Variants in FLII observed in about 807,000 individuals in gnomAD.
FLII encodes the protein FLII actin remodeling protein.
Under a neutral mutation model 156.2 loss-of-function variants are expected in FLII, and 101 were observed. The ratio of observed to expected loss-of-function variants is 0.65; its 90% CI spans 0.55 to 0.76. FLII has a LOEUF of 0.76. FLII is among the 30% of genes least tolerant of loss of function. The probability of loss-of-function intolerance (pLI) is 0.00; values close to 1 mark genes in which losing one functional copy is unlikely to be tolerated. For missense variants in FLII, 1,675 were observed against 1,682.8 expected, an observed-to-expected ratio of 1.00 and a Z score of 0.08; for synonymous variants, 767 against 685.8, an observed-to-expected ratio of 1.12 and a Z score of -1.85.
intron 28 of FLII, 39 bp from the exon 29 acceptor site, chr17:18,245,458 C>T: frequency 6.2e-7 from 1 of 1,613,252 alleles, no homozygotes; most frequent in Non-Finnish European, 8.5e-7. Context: ...GCATGGGTGC[C>T]TGGGAACAGC....
At position 18,252,500 on chromosome 17, in the gene FLII, T is replaced by C. The variant is rs779563362; in HGVS notation, c.1070A>G (p.Glu357Gly). The C allele has an allele frequency of 2.5e-5, 40 of 1,613,636 alleles. No homozygotes were observed. Among genetic ancestry groups the C allele is most frequent in the Non-Finnish European group, 3.3e-5 (39 of 1,180,006 alleles). ...GATCTCCGTCAGGAAATGGATGGCT[T>C]CTGGGAGGGTCACCAGGTGGTTCTT... is the stretch of plus-strand genomic sequence containing the variant. ...LNKNHLVTLP[E>G]AIHFLTEIEV... is the part of the protein sequence containing the mutation. The change falls in exon 10 of 30, where the codon GAA becomes GGA. Residue 357 changes from glutamate (E) to glycine (G), a missense_variant. Physicochemically the swap from Glu to Gly is moderately conservative, Grantham distance 98 (BLOSUM62 -2). This residue lies in a region of FLII where 1,332 missense variants were observed against 1,269.3 expected (regional missense o/e 1.05). Transcript: ENST00000327031.
chr17:18,251,965 C>T (rs761033651), intron 11 of FLII, 34 bp downstream of exon 11: 3 of 1,605,788 alleles, frequency 1.9e-6, no homozygotes, highest in East Asian at 4.5e-5. Flanking sequence ...TGGAGAGGAG[C>T]CCCCGTTCCC....
At position 18,245,163 on chromosome 17, in the gene FLII, C is replaced by G; in HGVS notation, c.3785G>C (p.Ser1262Thr). ...HAFTRCFHAW[S>T]AFCKALA ...TTAGGCCAGGGCCTTGCAGAAGGCG[C>G]TCCAGGCGTGGAAGCAGCGGGTAAA... Residue 1262 changes from serine to threonine, a missense_variant, in exon 30 of 30, where the codon AGC (serine) becomes ACC (threonine). Coordinates refer to ENST00000327031, the MANE Select transcript of FLII (RefSeq NM_002018.4). 2 of 1,613,564 alleles carry G rather than the reference C, an allele frequency of 1.2e-6. No homozygotes were observed. The highest frequency in any genetic ancestry group is 8.5e-7 in the Non-Finnish European group (1 of 1,179,812).
rs1054350935 is a variant in FLII, at chr17:18,247,826, C to T, written c.2318G>A (p.Arg773His). The T allele has an allele frequency of 8.1e-6, 13 of 1,613,388 alleles. No homozygotes were observed. The highest frequency in any genetic ancestry group is 1.1e-5 in the South Asian group (1 of 91,080). ...MRLLQSLLDT[R>H]CVYILDCWSD... ...CCAACAGTCCAGAATGTACACGCAG[C>T]GCGTGTCCAGCAGACTCTGCAGCTG... Residue 773 changes from arginine to histidine, a missense_variant, in exon 20 of 30, where the codon CGC (arginine) becomes CAC (histidine). By Grantham distance (29) the Arg-to-His change is conservative. This residue lies in a region of FLII where 1,332 missense variants were observed against 1,269.3 expected (regional missense o/e 1.05). Coordinates refer to ENST00000327031, the MANE Select transcript of FLII (RefSeq NM_002018.4).
intron 15 of FLII, 32 bp from the exon 16 acceptor site, chr17:18,249,233 G>A (rs1411260342): frequency 3.1e-6 from 5 of 1,612,464 alleles, no homozygotes; most frequent in East Asian, 4.5e-5. Context: ...CTCAGTGTAG[G>A]CACCAAGGGC....
In FLII at chr17:18,254,748, TG is replaced by T. The variant is rs768703454; in HGVS notation, c.413+20del. 1 of 1,614,014 alleles carries T rather than the reference TG, an allele frequency of 6.2e-7. No individual in the cohort carries two copies. Among genetic ancestry groups the T allele is most frequent in the Admixed American group, 1.7e-5 (1 of 60,024 alleles). On this transcript the variant is annotated intron_variant, in intron 5 of 29. Coordinates refer to ENST00000327031, the MANE Select transcript of FLII (RefSeq NM_002018.4). ...CACCCCACAGGGCCCACCTGCCCCC[TG>T]CCCCCCACTGGCCTGGCACCTGTTG...
In FLII at chr17:18,248,588, G is replaced by T; in HGVS notation, c.2152C>A (p.Pro718Thr). 6.2e-7 allele frequency: 1 copy of T among 1,613,168 alleles called. No individual in the cohort carries two copies. The highest frequency in any genetic ancestry group is 8.5e-7 in the Non-Finnish European group (1 of 1,179,854). ...GEPSEIKKHV[P>T]EDFWPPQPKL... Reference sequence around the variant, plus strand: ...GGCTGCGGCGGCCAGAAGTCTTCAGGCACGTGCTTCTTGATCTCAGAGGGC... The same window carrying T: ...GGCTGCGGCGGCCAGAAGTCTTCAGTCACGTGCTTCTTGATCTCAGAGGGC... The change falls in exon 18 of 30, where the codon CCT (proline) becomes ACT (threonine). Residue 718 changes from proline (P) to threonine (T), a missense_variant. Transcript: ENST00000327031.
chr17:18,247,690 C>T lies in FLII; in HGVS notation c.2454G>A (p.Thr818=), dbSNP rs937243849. 5.0e-6 allele frequency: 8 copies of T among 1,598,202 alleles called. No homozygotes were observed. The highest frequency in any genetic ancestry group is 6.8e-6 in the Non-Finnish European group (8 of 1,177,170). The change falls in exon 20 of 30, where the codon ACG becomes ACA. Residue 818 remains threonine, a synonymous_variant. Transcript: ENST00000327031. The part of the protein sequence containing the change: ...CGMLHRPRHA[T]VSRSLEGTEA... ...CGGTGCCCTCGAGGCTGCGGCTGAC[C>T]GTGGCATGGCGTGGCCGGTGCAGCA...
chr17:18,251,155 T>G, intron 13 of FLII, 110 bp downstream of exon 13: 1 of 1,421,976 alleles, frequency 7.0e-7, no homozygotes, highest in Non-Finnish European at 9.6e-7. Context: ...TCCTGCAGCC[T>G]GCCCACCTCC....
chr17:18,254,290 G>T, intron 6 of FLII, 108 bp from the exon 7 acceptor site: 1 of 914,460 alleles, frequency 1.1e-6, no homozygotes, highest in Non-Finnish European at 1.6e-6. Flanking sequence ...GTAGGTGTGA[G>T]GTCACATCTG....
rs373878132 is a variant in FLII at position 18,247,250 on chromosome 17, G to A, written c.2595C>T (p.Arg865=). 230 of 1,608,244 alleles carry A rather than the reference G, an allele frequency of 1.4e-4. No homozygotes were observed. Among genetic ancestry groups the A allele is most frequent in the Non-Finnish European group, 1.9e-4 (221 of 1,179,680 alleles). Residue 865 remains arginine, a synonymous_variant, in exon 21 of 30, where the codon CGC becomes CGT. Coordinates refer to ENST00000327031, the MANE Select transcript of FLII (RefSeq NM_002018.4). ...QSPGLSGKVK[R]DAEKKDQMKA... ...TCATCTGGTCTTTCTTCTCGGCGTC[G>A]CGTTTCACCTTCCCGGAGAGACCCG...
rs980090204 is a variant in FLII, at chr17:18,257,231, G to A, written c.64-212C>T. ...TGACAAAAGTGTTGGCCTAAGATTT[G>A]TCTCTCCTACTGGATTCTGGGCCCC... On this transcript the variant is annotated intron_variant, in intron 1 of 29. Coordinates refer to ENST00000327031, the MANE Select transcript of FLII (RefSeq NM_002018.4). 7 of 537,182 alleles carry A rather than the reference G, an allele frequency of 1.3e-5. No individual in the cohort carries two copies. In the African/African-American group the frequency reaches 1.4e-4, roughly 10 times the overall value. The allele number at this position is 537,182 out of a possible 1,614,324, so 33.3% of individuals were successfully genotyped here. A position where few individuals can be genotyped will look rare whatever the true frequency, so the allele number is the denominator to read the frequency against.
At position 18,246,058 on chromosome 17, in the gene FLII, G is replaced by A; in HGVS notation, c.3272C>T (p.Pro1091Leu). 1 of 1,614,160 alleles carries A rather than the reference G, an allele frequency of 6.2e-7. No homozygotes were observed. Among genetic ancestry groups the A allele is most frequent in the Non-Finnish European group, 8.5e-7 (1 of 1,180,036 alleles). Residue 1091 changes from proline to leucine, a missense_variant, in exon 26 of 30, where the codon CCC becomes CTC. Transcript: ENST00000327031. ...GCCCTGGTTGTCCTCACTCTCAAAG[G>A]GAACCTGGGGAGTGTGCAGGGGTGG... ...NSEFCFILKV[P>L]FESEDNQGIV...
intron 10 of FLII, 101 bp from the exon 11 acceptor site, chr17:18,252,247 A>G: frequency 8.5e-7 from 1 of 1,178,660 alleles, no homozygotes; most frequent in Non-Finnish European, 1.2e-6. Context: ...CAGGGCTGAG[A>G]GGTCAGGGAA....
At chr17:18,254,259 C>T in intron 6 of FLII, 77 bp from the exon 7 acceptor site, 1 of 1,196,896 alleles carries the variant, frequency 8.4e-7, no homozygotes, top group Middle Eastern at 2.3e-4. Flanking sequence ...AGGGCAGGAC[C>T]AAAAGCACAG....
chr17:18,248,632 C>T lies in FLII; in HGVS notation c.2108G>A (p.Trp703Ter). 6.2e-7 allele frequency: 1 copy of T among 1,613,994 alleles called. No homozygotes were observed. The highest frequency in any genetic ancestry group is 8.5e-7 in the Non-Finnish European group (1 of 1,179,974). Residue 703 changes from tryptophan (W) to a stop codon, truncating the protein, a stop_gained, in exon 18 of 30, where the codon TGG (tryptophan) becomes TAG (stop). Coordinates refer to ENST00000327031, the MANE Select transcript of FLII (RefSeq NM_002018.4). LOFTEE classifies it high-confidence loss of function. ...AGAGGGCTCCCCACCCAGTGCCTCCCAGAACTCTGGGAGCTCCTGGCCCTG... is the reference window on the plus strand; with the variant it reads ...AGAGGGCTCCCCACCCAGTGCCTCCTAGAACTCTGGGAGCTCCTGGCCCTG... ...LVQGQELPEF[W>*]EALGGEPSEI...
chr17:18,254,827 A>G lies in FLII; in HGVS notation c.355T>C (p.Cys119Arg). The change falls in exon 5 of 30, where the codon TGC becomes CGC. Residue 119 changes from cysteine to arginine, a missense_variant. Coordinates refer to ENST00000327031, the MANE Select transcript of FLII (RefSeq NM_002018.4). ...LDLSHNQLTE[C>R]PRELENAKNM... ...TTGGCGTTCTCCAGCTCCCGCGGGCACTCTGTCAGCTGGTTGTGGCTCAAG... is the reference window on the plus strand; with the variant it reads ...TTGGCGTTCTCCAGCTCCCGCGGGCGCTCTGTCAGCTGGTTGTGGCTCAAG... 1 of 1,613,968 alleles carries G rather than the reference A, an allele frequency of 6.2e-7. No individual in the cohort carries two copies. Among genetic ancestry groups the G allele is most frequent in the Non-Finnish European group, 8.5e-7 (1 of 1,179,982 alleles).
chr17:18,247,807 G>A lies in FLII; in HGVS notation c.2337C>T (p.Asp779=). The change falls in exon 20 of 30, where the codon GAC becomes GAT. Residue 779 remains aspartate (D), a synonymous_variant. Transcript: ENST00000327031. The part of the protein sequence containing the change: ...LLDTRCVYIL[D]CWSDVFIWLG... ...GCCAGATGAACACGTCGGACCAACA[G>A]TCCAGAATGTACACGCAGCGCGTGT... 6.2e-7 allele frequency: 1 copy of A among 1,613,066 alleles called. No individual in the cohort carries two copies. The highest frequency in any genetic ancestry group is 1.7e-5 in the Admixed American group (1 of 60,018).
chr17:18,251,794 A>G lies in FLII; in HGVS notation c.1269T>C (p.Pro423=). 1 of 1,613,842 alleles carries G rather than the reference A, an allele frequency of 6.2e-7. No homozygotes were observed. Among genetic ancestry groups the G allele is most frequent in the Non-Finnish European group, 8.5e-7 (1 of 1,180,028 alleles). ...TCCGCAGTCGCATCTTGCGAGCCAT[A>G]GGGTCCTTGGGCCCACTCCCTGCTT... ...AAAAGSGPKD[P]MARKMRLRRR... is the part of the protein sequence containing the mutation. Residue 423 remains proline (P), a synonymous_variant, in exon 12 of 30, where the codon CCT becomes CCC. Coordinates refer to ENST00000327031, the MANE Select transcript of FLII (RefSeq NM_002018.4).
Sources: gnomAD v4.1 joint callset for allele counts on GRCh38, gnomAD v4.1.1 for gene constraint, gnomAD v4.1.1 regional missense constraint, MANE v1.5 for transcripts, NCBI Gene and HGNC (gene_info 2026-07-23, HGNC 2026-07-21) for gene names.